The following ANKRD12 variants were observed in gnomAD, a reference collection of about 807,000 sequenced individuals.
ANKRD12 encodes ankyrin repeat domain 12.
In ANKRD12, 85 loss-of-function variants were observed where a neutral mutation model predicts 183.4. That is an observed-to-expected ratio of 0.46 (90% CI 0.39 to 0.56). The LOEUF is 0.56. ANKRD12 is among the 20% of genes least tolerant of loss of function. The pLI, the probability that ANKRD12 is intolerant of heterozygous loss-of-function variation, is 0.00. For synonymous variants in ANKRD12, 914 were observed against 800.2 expected, an observed-to-expected ratio of 1.14 and a Z score of -2.40; for missense variants, 2,405 against 2,357.1, an observed-to-expected ratio of 1.02 and a Z score of -0.42.
chr18:9,257,243 A>C lies in ANKRD12; in HGVS notation c.3976A>C (p.Ile1326Leu). 1 of 1,614,150 alleles carries C rather than the reference A, an allele frequency of 6.2e-7. No homozygotes were observed. The highest frequency in any genetic ancestry group is 1.1e-5 in the South Asian group (1 of 91,080). ...TGAACATACCAAACAATTCCAAACA[A>C]TATCAGAAGAGAGCAATCAAGGTAG... is the stretch of plus-strand genomic sequence containing the variant. ...ICEHTKQFQT[I>L]SEESNQGSLL... The change falls in exon 9 of 13, where the codon ATA (isoleucine) becomes CTA (leucine). Residue 1326 changes from isoleucine to leucine, a missense_variant. Coordinates refer to ENST00000262126, the MANE Select transcript of ANKRD12 (RefSeq NM_015208.5).
At chr18:9,271,511 A>T (rs557778115) in intron 10 of ANKRD12, among the ~76,000 whole-genome samples, 46 of 151,386 alleles carry the variant, frequency 3.0e-4, no homozygotes, top group African/African-American at 1.1e-3. Context: ...AGAGCGTGAG[A>T]CTCCGTCTCA....
intron 4 of ANKRD12, among the ~76,000 whole-genome samples, chr18:9,204,900 C>T (rs973646341): frequency 1.3e-5 from 2 of 152,186 alleles, no homozygotes; most frequent in Non-Finnish European, 2.9e-5. Context: ...TCGTTGTATA[C>T]CCTTCACAAG....
chr18:9,224,022 T>A (rs2036570879), intron 8 of ANKRD12, among the ~76,000 whole-genome samples: 1 of 152,110 alleles, frequency 6.6e-6, no homozygotes, highest in South Asian at 2.1e-4. Flanking sequence ...TTTCTAAGTA[T>A]TATATAAAGA....
intron 8 of ANKRD12, among the ~76,000 whole-genome samples, chr18:9,229,397 T>C (rs2036913675): frequency 6.6e-6 from 1 of 152,216 alleles, no homozygotes; most frequent in Admixed American, 6.5e-5. Flanking sequence ...TTGGTCACTG[T>C]AATGACATTA....
intron 10 of ANKRD12, among the ~76,000 whole-genome samples, chr18:9,265,767 C>G (rs761630025): frequency 6.6e-6 from 1 of 152,080 alleles, no homozygotes; most frequent in Non-Finnish European, 1.5e-5. Context: ...CAAAGCTGGA[C>G]GGATAATGAC....
At position 9,278,482 on chromosome 18, in the gene ANKRD12, A is replaced by G. The variant is rs111831212; in HGVS notation, c.5908-1067A>G. Among the ~76,000 whole-genome samples, 445 of 152,342 alleles carry G rather than the reference A, an allele frequency of 2.9e-3. 8 individuals carry two copies. Among genetic ancestry groups the G allele is most frequent in the African/African-American group, 1.0e-2 (414 of 41,588 alleles). ...TCAAAACATCTAACTTGGGGCACCA[A>G]TGAAGAAATTATAACTGCTAAAAAT... is the stretch of plus-strand genomic sequence containing the variant. On this transcript the variant is annotated intron_variant, in intron 11 of 12. Coordinates refer to ENST00000262126, the MANE Select transcript of ANKRD12 (RefSeq NM_015208.5).
chr18:9,173,115 G>T (rs1214562711), intron 1 of ANKRD12, among the ~76,000 whole-genome samples: 1 of 150,430 alleles, frequency 6.6e-6, no homozygotes, highest in Admixed American at 6.6e-5. Flanking sequence ...TATCACCCAG[G>T]CTGGAGTGCA....
intron 5 of ANKRD12, among the ~76,000 whole-genome samples, 176 bp from the exon 6 acceptor site, chr18:9,211,408 G>A (rs2035797733): frequency 6.6e-6 from 1 of 151,932 alleles, no homozygotes; most frequent in South Asian, 2.1e-4. Flanking sequence ...AACCCTGAAG[G>A]GAAGATCTCT....
At position 9,254,195 on chromosome 18, in the gene ANKRD12, CT is replaced by C. The variant is rs531437246; in HGVS notation, c.944-8del. On this transcript the variant is annotated splice_polypyrimidine_tract_variant and intron_variant, in intron 8 of 12. Transcript: ENST00000262126. ...TTTTGTTTGACCCACACCACATTTT[CT>C]TTTTTTTATTCTAGATTCCGAAGAG... 42 of 1,476,630 alleles carry C rather than the reference CT, an allele frequency of 2.8e-5. No homozygotes were observed. The East Asian group carries it at 7.1e-4, about 25-fold the overall frequency. 91.5% of individuals were successfully genotyped at this position (1,476,630 alleles called of 1,614,324 possible).
chr18:9,259,212 A>G (rs1377337188), intron 9 of ANKRD12, among the ~76,000 whole-genome samples: 2 of 152,154 alleles, frequency 1.3e-5, no homozygotes, highest in African/African-American at 4.8e-5. Flanking sequence ...AACTTTATAC[A>G]AACTATTTCA....
intron 2 of ANKRD12, among the ~76,000 whole-genome samples, chr18:9,186,182 C>T (rs1468772936): frequency 1.3e-5 from 2 of 149,242 alleles, no homozygotes; most frequent in Non-Finnish European, 3.0e-5. Flanking sequence ...GCTCTGTCGC[C>T]CAGGCTGGAG....
intron 1 of ANKRD12, among the ~76,000 whole-genome samples, chr18:9,161,775 ATATG>A (rs1448948940): frequency 6.6e-6 from 1 of 151,924 alleles, no homozygotes; most frequent in African/African-American, 2.4e-5. Flanking sequence ...AAATATATAT[ATATG>A]GAATGATTAT....
chr18:9,252,699 T>A (rs1054584450), intron 8 of ANKRD12, among the ~76,000 whole-genome samples: 3 of 152,222 alleles, frequency 2.0e-5, no homozygotes, highest in African/African-American at 7.2e-5. Flanking sequence ...GTACAGTGGC[T>A]CGTGCCTGTA....
chr18:9,238,756 C>T (rs746700474), intron 8 of ANKRD12, among the ~76,000 whole-genome samples: 2 of 152,158 alleles, frequency 1.3e-5, no homozygotes, highest in South Asian at 2.1e-4. Context: ...GTCCTTTGAA[C>T]GTTTTTGTCC....
intron 3 of ANKRD12, among the ~76,000 whole-genome samples, chr18:9,203,640 T>C (rs1453005624): frequency 6.6e-6 from 1 of 152,136 alleles, no homozygotes; most frequent in Non-Finnish European, 1.5e-5. Context: ...AGTCTCACTC[T>C]GTCACCCAGG....
intron 1 of ANKRD12, among the ~76,000 whole-genome samples, chr18:9,163,879 G>A (rs1454756294): frequency 6.6e-6 from 1 of 152,104 alleles, no homozygotes; most frequent in Non-Finnish European, 1.5e-5. Flanking sequence ...CATTGATTTT[G>A]TATCCTGAGA....
intron 1 of ANKRD12, among the ~76,000 whole-genome samples, chr18:9,179,375 C>T (rs112624320): frequency 3.9e-5 from 6 of 152,280 alleles, no homozygotes; most frequent in African/African-American, 1.4e-4. Context: ...AGAAAGCATT[C>T]ACGTTCCCTT....
In ANKRD12 at chr18:9,189,296, T is replaced by G. The variant is rs368626393; in HGVS notation, c.88-6255T>G. 8.6e-4 allele frequency among the ~76,000 whole-genome samples: 131 copies of G among 152,280 alleles called. 2 individuals are homozygous for G. In the South Asian group the frequency reaches 0.016, roughly 19 times the overall value. On this transcript the variant is annotated intron_variant, in intron 2 of 12. Coordinates refer to ENST00000262126, the MANE Select transcript of ANKRD12 (RefSeq NM_015208.5). ...AGGTTTGGAAGCTGCAGAAGAAAAG[T>G]CTGAAGCTAGCATAAGTTGGTTCAT...
chr18:9,250,891 A>T (rs2038253111), intron 8 of ANKRD12, among the ~76,000 whole-genome samples: 2 of 152,226 alleles, frequency 1.3e-5, no homozygotes, highest in African/African-American at 4.8e-5. Context: ...GCAGTTGTGG[A>T]AGGAAAAGTA....
Sources: gnomAD v4.1 joint callset for allele counts (sites outside exome capture counted in the v4.1 genomes callset) on GRCh38, gnomAD v4.1.1 for gene constraint, MANE v1.5 for transcripts, NCBI Gene and HGNC (gene_info 2026-07-23, HGNC 2026-07-21) for gene names.